Variants in SLC15A2 observed in about 807,000 individuals in gnomAD.
SLC15A2 encodes solute carrier family 15 member 2, also known as kidney H(+)/peptide cotransporter.
SLC15A2 carries 77 observed loss-of-function variants against 95.5 expected under a neutral mutation model. The ratio of observed to expected loss-of-function variants is 0.81; its 90% CI spans 0.67 to 0.97. The LOEUF (loss-of-function observed/expected upper bound fraction) is 0.97, where lower values mean the gene tolerates loss of function less well. Among genes scored for constraint, SLC15A2 ranks in the 50% least tolerant of loss-of-function variants. The pLI, the probability that SLC15A2 is intolerant of heterozygous loss-of-function variation, is 0.00. For synonymous variants in SLC15A2, 306 were observed against 306.9 expected (o/e 1.00, Z 0.03); for missense variants, 893 against 874.4 (o/e 1.02, Z -0.27).
At chr3:121,915,793 C>A in intron 7 of SLC15A2, 100 bp downstream of exon 7, 1 of 817,224 alleles carries the variant, frequency 1.2e-6, no homozygotes, top group Non-Finnish European at 2.1e-6. Context: ...TCAATCCTCA[C>A]ACCAGGCCTA....
chr3:121,903,937 G>A (rs1234586321), intron 3 of SLC15A2, among the ~76,000 whole-genome samples: 1 of 152,242 alleles, frequency 6.6e-6, no homozygotes, highest in Non-Finnish European at 1.5e-5. Flanking sequence ...AAATTACCTT[G>A]GGCAGTATGG....
At position 121,896,487 on chromosome 3, in the gene SLC15A2, A is replaced by C; in HGVS notation, c.187A>C (p.Met63Leu). 1 of 1,613,646 alleles carries C rather than the reference A, an allele frequency of 6.2e-7. No individual in the cohort carries two copies. Among genetic ancestry groups the C allele is most frequent in the Non-Finnish European group, 8.5e-7 (1 of 1,179,618 alleles). Residue 63 changes from methionine (M) to leucine (L), a missense_variant, in exon 2 of 22, where the codon ATG becomes CTG. Met to Leu is a conservative substitution (Grantham distance 15). Coordinates refer to ENST00000489711, the MANE Select transcript of SLC15A2 (RefSeq NM_021082.4). ...EFCERFSYYGMKAVLILYFLY... is the reference protein window; with the variant it reads ...EFCERFSYYGLKAVLILYFLY... ...CTGCGAGCGCTTTTCCTATTATGGA[A>C]TGAAAGGTAATTTTGTGTCCAAGAG...
At chr3:121,921,885 G>A (rs922220415) in intron 7 of SLC15A2, among the ~76,000 whole-genome samples, 1 of 152,172 alleles carries the variant, frequency 6.6e-6, no homozygotes, top group Non-Finnish European at 1.5e-5. Context: ...AGAAAGAAGA[G>A]TAAGAAGTCA....
At chr3:121,909,221 C>A (rs1253768352) in intron 3 of SLC15A2, among the ~76,000 whole-genome samples, 1 of 151,900 alleles carries the variant, frequency 6.6e-6, no homozygotes, top group Admixed American at 6.6e-5. Flanking sequence ...CACCACCATG[C>A]CTGGCAAATT....
intron 3 of SLC15A2, among the ~76,000 whole-genome samples, chr3:121,904,704 C>T (rs926358499): frequency 6.6e-6 from 1 of 152,200 alleles, no homozygotes; most frequent in Non-Finnish European, 1.5e-5. Flanking sequence ...ATGAAGCCGA[C>T]TTGATCATGG....
intron 7 of SLC15A2, 105 bp downstream of exon 7, chr3:121,915,798 G>T: frequency 1.3e-6 from 1 of 764,730 alleles, no homozygotes; most frequent in Admixed American, 1.9e-5. Context: ...CCTCACACCA[G>T]GCCTATTGGG....
At chr3:121,906,868 T>C (rs901048821) in intron 3 of SLC15A2, among the ~76,000 whole-genome samples, 1 of 152,094 alleles carries the variant, frequency 6.6e-6, no homozygotes, top group Non-Finnish European at 1.5e-5. Flanking sequence ...AGTATCTTTG[T>C]GGTGTTCTCT....
intron 2 of SLC15A2, 43 bp from the exon 3 acceptor site, chr3:121,897,345 T>A: frequency 6.2e-7 from 1 of 1,604,474 alleles, no homozygotes; most frequent in Non-Finnish European, 8.5e-7. Context: ...AATGCATCTA[T>A]CTTGTTTTGT....
chr3:121,895,861 C>T (rs1709405027), intron 1 of SLC15A2, among the ~76,000 whole-genome samples: 1 of 152,056 alleles, frequency 6.6e-6, no homozygotes, highest in Non-Finnish European at 1.5e-5. Flanking sequence ...ATTAGCTTAC[C>T]CTTAGGAATC....
Position 121,904,702 on chromosome 3 carries a change from G to C in SLC15A2, c.336-6872G>C, listed in dbSNP as rs570417724. 1.6e-3 allele frequency among the ~76,000 whole-genome samples: 244 copies of C among 152,254 alleles called. 5 individuals are homozygous for C. The Middle Eastern group carries it at 0.034, about 21-fold the overall frequency. On this transcript the variant is annotated intron_variant, in intron 3 of 21. Transcript: ENST00000489711. ...AGCCTTGCATCCCAGGGATGAAGCC[G>C]ACTTGATCATGGTGGATAACCTTTC...
At chr3:121,924,146 T>A (rs995577465) in intron 11 of SLC15A2, among the ~76,000 whole-genome samples, 4 of 152,210 alleles carry the variant, frequency 2.6e-5, no homozygotes, top group African/African-American at 7.2e-5. Flanking sequence ...CCCATCTGCC[T>A]GGCAAACATA....
At chr3:121,907,390 A>G (rs1370279398) in intron 3 of SLC15A2, among the ~76,000 whole-genome samples, 1 of 152,096 alleles carries the variant, frequency 6.6e-6, no homozygotes. Context: ...GCTTTGTTCC[A>G]TTGCTGGCAA....
At position 121,923,316 on chromosome 3, in the gene SLC15A2, A is replaced by C. The variant is rs770810287; in HGVS notation, c.1002+50A>C. ...AAGTCTATTATTTTCTTCATCATCC[A>C]TATTGGGGAAAAATTAATTTCTTTG... On this transcript the variant is annotated intron_variant, in intron 11 of 21. Coordinates refer to ENST00000489711, the MANE Select transcript of SLC15A2 (RefSeq NM_021082.4). 3 of 1,550,476 alleles carry C rather than the reference A, an allele frequency of 1.9e-6. No individual in the cohort carries two copies. In the South Asian group the frequency reaches 3.5e-5, roughly 18 times the overall value.
chr3:121,896,594 A>G (rs1245130283), intron 2 of SLC15A2, 101 bp downstream of exon 2: 13 of 920,342 alleles, frequency 1.4e-5, no homozygotes, highest in Non-Finnish European at 2.3e-5. Flanking sequence ...TCCCGAGTCC[A>G]CTCTTTCTGC....
chr3:121,938,119 C>G (rs1282606355), intron 19 of SLC15A2, among the ~76,000 whole-genome samples: 4 of 147,518 alleles, frequency 2.7e-5, no homozygotes, highest in Admixed American at 6.7e-5. Context: ...GCAGTCTGCC[C>G]GTTCTCAGAT....
intron 12 of SLC15A2, 53 bp from the exon 13 acceptor site, chr3:121,924,892 C>A: frequency 7.8e-7 from 1 of 1,288,790 alleles, no homozygotes; most frequent in Non-Finnish European, 1.1e-6. Flanking sequence ...GCAGTGCTCA[C>A]ACTCATGATA....
chr3:121,910,738 T>G (rs912641564), intron 3 of SLC15A2, among the ~76,000 whole-genome samples: 2 of 152,208 alleles, frequency 1.3e-5, no homozygotes, highest in Non-Finnish European at 2.9e-5. Flanking sequence ...TCTACTTATA[T>G]GTGGGAATGC....
intron 8 of SLC15A2, 96 bp downstream of exon 8, chr3:121,922,398 C>A: frequency 1.1e-6 from 1 of 890,238 alleles, no homozygotes; most frequent in South Asian, 1.6e-5. Flanking sequence ...ACATTTTTCT[C>A]AATGACCTCT....
chr3:121,903,303 C>T (rs1709556333), intron 3 of SLC15A2, among the ~76,000 whole-genome samples: 1 of 152,136 alleles, frequency 6.6e-6, no homozygotes, highest in South Asian at 2.1e-4. Flanking sequence ...TGTAGGTTGC[C>T]TGTTCACTCT....
Sources: allele counts gnomAD v4.1 joint callset (sites outside exome capture counted in the v4.1 genomes callset), GRCh38; gene constraint gnomAD v4.1.1; transcripts MANE v1.5; gene names NCBI Gene and HGNC (gene_info 2026-07-23, HGNC 2026-07-21).